Variants in ISLR2 observed in about 807,000 individuals in gnomAD.
ISLR2 encodes the protein immunoglobulin superfamily containing leucine-rich repeat protein 2.
ISLR2 carries 16 observed loss-of-function variants against 25.5 expected under a neutral mutation model. The ratio of observed to expected loss-of-function variants is 0.63; its 90% CI spans 0.43 to 0.95. ISLR2 has a LOEUF of 0.95. ISLR2 is among the 40% of genes least tolerant of loss of function. The pLI is 0.00. For synonymous variants in ISLR2, 508 were observed against 486.6 expected (o/e 1.04, Z -0.58); for missense variants, 883 against 1,030.7 (o/e 0.86, Z 1.96).
intron 2 of ISLR2, among the ~76,000 whole-genome samples, chr15:74,115,126 T>C (rs574451919): frequency 6.6e-6 from 1 of 152,272 alleles, no homozygotes; most frequent in South Asian, 2.1e-4. Flanking sequence ...TAGAGAGAAT[T>C]CATATTCTCA....
Position 74,133,657 on chromosome 15 carries a change from G to A in ISLR2, c.903G>A (p.Glu301=), listed in dbSNP as rs756713024. ...ACGGGGTTGGGGCGGAGGAAGGAGA[G>A]GGAGAAGGAGATGGGGATTTGCTGA... The part of the protein sequence containing the change: ...EDDGVGAEEG[E]GEGDGDLLTQ... The change falls in exon 3 of 3, where the codon GAG becomes GAA. Residue 301 remains glutamate (E), a synonymous_variant. Transcript: ENST00000453268. 7.4e-6 allele frequency: 12 copies of A among 1,611,476 alleles called. No individual in the cohort carries two copies. The African/African-American group carries it at 1.6e-4, about 22-fold the overall frequency.
upstream of ISLR2, chr15:74,128,571 G>C (rs951668429): frequency 3.5e-5 from 16 of 456,606 alleles, no homozygotes; most frequent in Admixed American, 3.8e-4. Context: ...GTCCAGGGAA[G>C]CTCTGGGCAG....
intron 2 of ISLR2, among the ~76,000 whole-genome samples, chr15:74,107,190 G>A (rs750329887): frequency 3.3e-5 from 5 of 152,196 alleles, no homozygotes; most frequent in Non-Finnish European, 5.9e-5. Flanking sequence ...TGGGGTCCAG[G>A]AAAGCCAAGG....
upstream of ISLR2, chr15:74,128,475 A>T (rs1012784579): frequency 1.3e-5 from 6 of 456,480 alleles, no homozygotes; most frequent in South Asian, 3.1e-5. Flanking sequence ...GGCTTCTGCA[A>T]CCCTGTCAAG....
chr15:74,113,852 C>A (rs142252972), intron 2 of ISLR2, among the ~76,000 whole-genome samples: 1 of 152,214 alleles, frequency 6.6e-6, no homozygotes, highest in African/African-American at 2.4e-5. Context: ...CCACTGAAAT[C>A]GCTGTTTAGC....
upstream of ISLR2, chr15:74,129,019 G>C (rs1172119130): frequency 2.2e-6 from 1 of 456,714 alleles, no homozygotes; most frequent in Non-Finnish European, 4.4e-6. This position sits in a 1 kb window ranked among gnomAD's most constrained non-coding sequence, Gnocchi z 4.5. Context: ...CGGCAGGGAC[G>C]GGTCACAGTG....
chr15:74,116,508 G>A (rs569642882), intron 2 of ISLR2, among the ~76,000 whole-genome samples: 4 of 152,192 alleles, frequency 2.6e-5, no homozygotes, highest in Non-Finnish European at 5.9e-5. Flanking sequence ...CTGCACTCTT[G>A]AGAAGTGTTA....
At chr15:74,111,138 T>TAA (rs764782225) in intron 2 of ISLR2, among the ~76,000 whole-genome samples, 2,602 of 60,514 alleles carry the variant, frequency 0.043, 116 homozygotes, top group African/African-American at 0.088. Flanking sequence ...AGACTCCATC[T>TAA]AAAAAAAAAA....
chr15:74,127,416 A>G (rs1425938172), upstream of ISLR2: 1 of 152,234 alleles, frequency 6.6e-6, no homozygotes, highest in Admixed American at 6.5e-5. Flanking sequence ...TAGTCGCTCA[A>G]GAATTAGGAG....
intron 2 of ISLR2, among the ~76,000 whole-genome samples, chr15:74,114,212 A>T (rs1567154911): frequency 6.6e-6 from 1 of 152,206 alleles, no homozygotes; most frequent in Non-Finnish European, 1.5e-5. Context: ...ATGGCTGAAG[A>T]CAATTTCTTC....
At chr15:74,140,565 GATCTCCTTTCTCTGCAGAA>G (rs1206860728), downstream of ISLR2, among the ~76,000 whole-genome samples, 2 of 152,194 alleles carry the variant, frequency 1.3e-5, no homozygotes, top group African/African-American at 4.8e-5. Flanking sequence ...GAAACTGGGG[GATCTCCTTTCTCTGCAGAA>G]ATCCAAGCCT....
At chr15:74,131,529 A>G (rs1356121948) in intron 2 of ISLR2, among the ~76,000 whole-genome samples, 1 of 152,206 alleles carries the variant, frequency 6.6e-6, no homozygotes, top group South Asian at 2.1e-4. Context: ...CAGGCGCTCC[A>G]AATGGGGGCA....
chr15:74,134,628 A>G lies in ISLR2; in HGVS notation c.1874A>G (p.Tyr625Cys). The G allele has an allele frequency of 6.2e-7, 1 of 1,614,104 alleles. No homozygotes were observed. Among genetic ancestry groups the G allele is most frequent in the Non-Finnish European group, 8.5e-7 (1 of 1,180,016 alleles). The change falls in exon 3 of 3, where the codon TAC (tyrosine) becomes TGC (cysteine). Residue 625 changes from tyrosine (Y) to cysteine (C), a missense_variant. By Grantham distance (194) the Tyr-to-Cys change is radical. This residue lies in a region of ISLR2 where 612 missense variants were observed against 642.8 expected (regional missense o/e 0.95). Transcript: ENST00000453268. ...HLLAKHPGKP[Y>C]RLILRPQAPD... The stretch of plus-strand genomic sequence containing the variant: ...CTGGCTAAACACCCGGGCAAGCCCT[A>G]CCGTCTGATCCTGCGGCCTCAGGCC...
rs1031622114 is a variant in ISLR2 at position 74,132,220 on chromosome 15, G to T, written c.-8-527G>T. ...TGTGAGCCTCCTAATTGAGCATCAG[G>T]TCCTCTAAACCCCTGCAGAAGTTGG... On this transcript the variant is annotated intron_variant, in intron 2 of 2. Coordinates refer to ENST00000453268, the MANE Select transcript of ISLR2 (RefSeq NM_020851.3). This position sits in a 1 kb window ranked among gnomAD's most constrained non-coding sequence, Gnocchi z 4.3. Among the ~76,000 whole-genome samples the T allele has an allele frequency of 1.3e-5, 2 of 152,174 alleles. No homozygotes were observed. The highest frequency in any genetic ancestry group is 4.1e-4 in the South Asian group (2 of 4,826).
At chr15:74,121,549 A>G (rs1286872359) in intron 2 of ISLR2, among the ~76,000 whole-genome samples, 2 of 152,166 alleles carry the variant, frequency 1.3e-5, no homozygotes, top group Admixed American at 1.3e-4. Context: ...CCCAACCCCA[A>G]GATGAGGCAG....
At chr15:74,119,415 T>C (rs2072235449) in intron 2 of ISLR2, among the ~76,000 whole-genome samples, 1 of 152,122 alleles carries the variant, frequency 6.6e-6, no homozygotes, top group Non-Finnish European at 1.5e-5. Flanking sequence ...CTCCCTATGT[T>C]GCCCAGCCTG....
chr15:74,108,868 C>T (rs952793359), intron 2 of ISLR2, among the ~76,000 whole-genome samples: 3 of 152,106 alleles, frequency 2.0e-5, no homozygotes, highest in African/African-American at 4.8e-5. Context: ...GTGGAGGCCA[C>T]CACAGGGTGA....
chr15:74,138,967 T>C (rs1425190753), downstream of ISLR2, among the ~76,000 whole-genome samples: 1 of 152,208 alleles, frequency 6.6e-6, no homozygotes, highest in Non-Finnish European at 1.5e-5. Flanking sequence ...AACTCAATCA[T>C]CTGGTCATGG....
downstream of ISLR2, among the ~76,000 whole-genome samples, chr15:74,141,266 C>T (rs1427861100): frequency 2.6e-5 from 4 of 152,126 alleles, no homozygotes; most frequent in African/African-American, 9.7e-5. Context: ...CATGTATTCC[C>T]TTGTGTATTA....
Sources: gnomAD v4.1 joint callset for allele counts (sites outside exome capture counted in the v4.1 genomes callset) on GRCh38, gnomAD v4.1.1 for gene constraint, gnomAD v4.1.1 regional missense constraint, Gnocchi (gnomAD v3.1) non-coding constraint, MANE v1.5 for transcripts, NCBI Gene and HGNC (gene_info 2026-07-23, HGNC 2026-07-21) for gene names.